ZNF654: variants seen among roughly 807,000 people sequenced by gnomAD.
ZNF654 encodes melanoma-associated antigen.
Under a neutral mutation model 95.3 loss-of-function variants are expected in ZNF654, and 19 were observed. The ratio of observed to expected loss-of-function variants is 0.20; its 90% CI spans 0.14 to 0.29. The LOEUF (loss-of-function observed/expected upper bound fraction) is 0.29, where lower values mean the gene tolerates loss of function less well. ZNF654 is among the 10% of genes least tolerant of loss of function. The pLI is 1.00. For synonymous variants in ZNF654, 413 were observed against 457.9 expected, an observed-to-expected ratio of 0.90 and a Z score of 1.25; for missense variants, 1,046 against 1,341.0, an observed-to-expected ratio of 0.78 and a Z score of 3.44.
At chr3:88,136,673 G>C (rs1306190306) in intron 7 of ZNF654, among the ~76,000 whole-genome samples, 1 of 152,156 alleles carries the variant, frequency 6.6e-6, no homozygotes, top group African/African-American at 2.4e-5. Flanking sequence ...GTGGGTGGGG[G>C]ATGAGACTAA....
chr3:88,114,253 T>C (rs1705259825), intron 3 of ZNF654, among the ~76,000 whole-genome samples: 1 of 152,088 alleles, frequency 6.6e-6, no homozygotes, highest in African/African-American at 2.4e-5. Context: ...CATGGTGATA[T>C]TGGGGAAGGA....
chr3:88,113,344 G>A, intron 3 of ZNF654, 148 bp downstream of exon 3: 1 of 466,952 alleles, frequency 2.1e-6, no homozygotes, highest in Middle Eastern at 4.6e-4. Flanking sequence ...ATTACTGGCT[G>A]ATAAAGAAAA....
At chr3:88,095,002 C>T (rs1703976007) in intron 2 of ZNF654, among the ~76,000 whole-genome samples, 1 of 152,122 alleles carries the variant, frequency 6.6e-6, no homozygotes, top group Non-Finnish European at 1.5e-5. Context: ...GGAAGAATTT[C>T]TTCCAAGTTT....
intron 3 of ZNF654, among the ~76,000 whole-genome samples, chr3:88,125,000 G>C (rs1338681069): frequency 1.3e-5 from 2 of 151,966 alleles, no homozygotes; most frequent in African/African-American, 4.8e-5. Flanking sequence ...CGGATCATGA[G>C]GTCAAGAGAT....
Position 88,140,245 on chromosome 3 carries a change from C to G in ZNF654, c.2576C>G (p.Pro859Arg). The G allele has an allele frequency of 6.2e-7, 1 of 1,613,828 alleles. No individual in the cohort carries two copies. Among genetic ancestry groups the G allele is most frequent in the Admixed American group, 1.7e-5 (1 of 60,002 alleles). ...TGCCATGAGCTTTTTGAAGATCTTC[C>G]TCTGCTGTATGAACATGAAGCTCAA... ...PECHELFEDL[P>R]LLYEHEAQHY... is the part of the protein sequence containing the mutation. The change falls in exon 8 of 9, where the codon CCT becomes CGT. Residue 859 changes from proline to arginine, a missense_variant. Physicochemically the swap from Pro to Arg is moderately radical, Grantham distance 103. Transcript: ENST00000636215.
rs1453217139 is a variant in ZNF654, at chr3:88,139,203, C to A, written c.1534C>A (p.Pro512Thr). 2.7e-6 allele frequency: 4 copies of A among 1,457,848 alleles called. No individual in the cohort carries two copies. In the East Asian group the frequency reaches 9.8e-5, roughly 36 times the overall value. 90.3% of individuals were successfully genotyped at this position (1,457,848 alleles called of 1,614,324 possible). A position where few individuals can be genotyped will look rare whatever the true frequency, so the allele number is the denominator to read the frequency against. Residue 512 changes from proline (P) to threonine (T), a missense_variant, in exon 8 of 9, where the codon CCT becomes ACT. Pro to Thr is a conservative substitution (Grantham distance 38). Coordinates refer to ENST00000636215, the MANE Select transcript of ZNF654 (RefSeq NM_001350134.2). ...LTDQSTGETD[P>T]DDVSGVQPKG... Reference sequence around the variant, plus strand: ...AGATCAGAGCACTGGAGAGACTGATCCTGATGATGTATCTGGAGTGCAGCC... The same window carrying A: ...AGATCAGAGCACTGGAGAGACTGATACTGATGATGTATCTGGAGTGCAGCC...
At chr3:88,066,653 T>C (rs1377351486) in intron 1 of ZNF654, among the ~76,000 whole-genome samples, 4 of 152,292 alleles carry the variant, frequency 2.6e-5, no homozygotes, top group South Asian at 2.1e-4. Flanking sequence ...AATGGAGTCA[T>C]TGCTTTTAAG....
intron 2 of ZNF654, among the ~76,000 whole-genome samples, chr3:88,092,275 C>G (rs544477522): frequency 6.6e-6 from 1 of 152,180 alleles, no homozygotes; most frequent in East Asian, 1.9e-4. Flanking sequence ...GTCATTTATT[C>G]TGTAAAGCTC....
chr3:88,062,916 A>T (rs1469115669), intron 1 of ZNF654, among the ~76,000 whole-genome samples: 4 of 152,232 alleles, frequency 2.6e-5, no homozygotes, highest in African/African-American at 9.6e-5. Context: ...CATTAGAGAT[A>T]ATCTGTAGGT....
Position 88,086,325 on chromosome 3 carries a change from T to G in ZNF654, c.255T>G (p.Leu85=). 6.5e-7 allele frequency: 1 copy of G among 1,535,174 alleles called. No homozygotes were observed. Among genetic ancestry groups the G allele is most frequent in the Non-Finnish European group, 8.7e-7 (1 of 1,146,710 alleles). ...AGCTTCAGGTTCTTCAGACTGCCCT[T>G]TGTTGTTTTACAACAGCCAGTGCAT... ...LPQLQVLQTA[L]CCFTTASASF... The change falls in exon 2 of 9, where the codon CTT becomes CTG. Residue 85 remains leucine (L), a synonymous_variant. Coordinates refer to ENST00000636215, the MANE Select transcript of ZNF654 (RefSeq NM_001350134.2).
intron 7 of ZNF654, among the ~76,000 whole-genome samples, chr3:88,137,193 T>TC (rs1217273055): frequency 1.8e-4 from 1 of 5,484 alleles, no homozygotes; most frequent in Non-Finnish European, 5.9e-4. Context: ...AGACTCTGTC[T>TC]CAAAAAAAAA....
chr3:88,116,559 T>TGCACACACACAC (rs1553698264), intron 3 of ZNF654, among the ~76,000 whole-genome samples: 1 of 146,558 alleles, frequency 6.8e-6, no homozygotes, highest in African/African-American at 2.5e-5. Context: ...CATACATATA[T>TGCACACACACAC]ATACACACAC....
intron 2 of ZNF654, among the ~76,000 whole-genome samples, chr3:88,111,506 A>T (rs1418005425): frequency 2.2e-4 from 34 of 151,968 alleles, no homozygotes; most frequent in Non-Finnish European, 2.9e-5. Flanking sequence ...TTTTTAATTC[A>T]TATAGATGTA....
At chr3:88,070,401 C>A (rs1198932509) in intron 1 of ZNF654, among the ~76,000 whole-genome samples, 1 of 151,484 alleles carries the variant, frequency 6.6e-6, no homozygotes, top group African/African-American at 2.4e-5. Context: ...GTTTTATTTG[C>A]ATTTTCTTGG....
chr3:88,115,471 G>T (rs1202114723), intron 3 of ZNF654, among the ~76,000 whole-genome samples: 1 of 152,308 alleles, frequency 6.6e-6, no homozygotes, highest in African/African-American at 2.4e-5. Flanking sequence ...AAATGATCAT[G>T]TCACTGTTTT....
chr3:88,087,658 C>T (rs892948006), intron 2 of ZNF654, among the ~76,000 whole-genome samples: 1 of 152,188 alleles, frequency 6.6e-6, no homozygotes, highest in Non-Finnish European at 1.5e-5. Context: ...ATTGTACTCA[C>T]ACCACAACAG....
intron 7 of ZNF654, among the ~76,000 whole-genome samples, chr3:88,136,065 C>G (rs1247704684): frequency 6.6e-6 from 1 of 152,038 alleles, no homozygotes; most frequent in Non-Finnish European, 1.5e-5. Context: ...AGTGAAATAT[C>G]ATTCAAATGC....
At chr3:88,075,844 G>A (rs1243662543) in intron 1 of ZNF654, among the ~76,000 whole-genome samples, 1 of 151,962 alleles carries the variant, frequency 6.6e-6, no homozygotes, top group Admixed American at 6.6e-5. Flanking sequence ...AGTTCCAAGT[G>A]CATCAAAAAG....
intron 6 of ZNF654, 107 bp downstream of exon 6, chr3:88,129,933 T>A (rs1253937712): frequency 5.6e-5 from 58 of 1,029,326 alleles, no homozygotes; most frequent in Middle Eastern, 3.0e-4. Flanking sequence ...AAGCTACTTT[T>A]AAAAAAAAAT....
Sources: allele counts gnomAD v4.1 joint callset (sites outside exome capture counted in the v4.1 genomes callset), GRCh38; gene constraint gnomAD v4.1.1; transcripts MANE v1.5; gene names NCBI Gene and HGNC (gene_info 2026-07-23, HGNC 2026-07-21).